The following KIAA0319 variants were observed in gnomAD, a reference collection of about 807,000 sequenced individuals.
KIAA0319 encodes KIAA0319, also known as dyslexia-associated protein KIAA0319.
In KIAA0319, 83 loss-of-function variants were observed where a neutral mutation model predicts 108.4. The ratio of observed to expected loss-of-function variants is 0.77; its 90% CI spans 0.64 to 0.92. The LOEUF (loss-of-function observed/expected upper bound fraction) is 0.92, where lower values mean the gene tolerates loss of function less well. KIAA0319 is among the 40% of genes least tolerant of loss of function. KIAA0319 has a pLI of 0.00. For missense variants in KIAA0319, 1,195 were observed against 1,322.4 expected, an observed-to-expected ratio of 0.90 and a Z score of 1.49; for synonymous variants, 484 against 510.4, an observed-to-expected ratio of 0.95 and a Z score of 0.70.
intron 1 of KIAA0319, among the ~76,000 whole-genome samples, chr6:24,603,902 C>A (rs941235574): frequency 1.3e-5 from 2 of 152,146 alleles, no homozygotes; most frequent in Non-Finnish European, 2.9e-5. Context: ...GTCGACCACA[C>A]CGAGCACAGC....
At chr6:24,629,042 T>C (rs924573802) in intron 1 of KIAA0319, among the ~76,000 whole-genome samples, 2 of 152,200 alleles carry the variant, frequency 1.3e-5, no homozygotes, top group Admixed American at 6.5e-5. Context: ...AAAGAAAAGC[T>C]TCCTGAAATT....
intron 1 of KIAA0319, among the ~76,000 whole-genome samples, chr6:24,642,852 C>G (rs1050151777): frequency 2.0e-5 from 3 of 152,054 alleles, no homozygotes; most frequent in African/African-American, 7.2e-5. Context: ...GGATTACAGG[C>G]GCCCACCACT....
At chr6:24,550,731 G>A (rs951979496) in intron 20 of KIAA0319, among the ~76,000 whole-genome samples, 1 of 152,108 alleles carries the variant, frequency 6.6e-6, no homozygotes, top group African/African-American at 2.4e-5. Flanking sequence ...GCTGAGCTGT[G>A]GGAGTGTCTT....
chr6:24,566,447 A>G lies in KIAA0319; in HGVS notation c.2292+150T>C, dbSNP rs979196381. ...TTGAGCCTGTCTTCCCAGCCTCCAT[A>G]ATGGAGACAAAATTAAGTTCTGTTG... On this transcript the variant is annotated intron_variant, in intron 14 of 20. Transcript: ENST00000378214. 1.5e-5 allele frequency: 9 copies of G among 589,516 alleles called. No individual in the cohort carries two copies. The African/African-American group carries it at 1.7e-4, about 11-fold the overall frequency. 36.5% of individuals were successfully genotyped at this position (589,516 alleles called of 1,614,324 possible).
In KIAA0319 at chr6:24,545,831, C is replaced by T. The variant is rs190661958; in HGVS notation, c.*1334G>A. On this transcript the variant is annotated 3_prime_UTR_variant, in exon 21 of 21. Coordinates refer to ENST00000378214, the MANE Select transcript of KIAA0319 (RefSeq NM_014809.4). ...TTGCTTCTTCATCAGCAATGCATTC[C>T]TAGTTTTCCCATGTGTTAAAAAAGC... is the stretch of plus-strand genomic sequence containing the variant. 5.3e-5 allele frequency: 8 copies of T among 152,310 alleles called. No individual in the cohort carries two copies. In the East Asian group the frequency reaches 1.5e-3, roughly 29 times the overall value. 9.4% of individuals were successfully genotyped at this position (152,310 alleles called of 1,614,324 possible).
chr6:24,553,476 T>G (rs111274890), intron 19 of KIAA0319, among the ~76,000 whole-genome samples: 109 of 151,998 alleles, frequency 7.2e-4, no homozygotes, highest in African/African-American at 2.4e-3. Context: ...GACCTTCTCC[T>G]GCCTTCTTTC....
chr6:24,582,988 G>T, intron 5 of KIAA0319: 1 of 765,456 alleles, frequency 1.3e-6, no homozygotes, highest in Non-Finnish European at 1.6e-6. Flanking sequence ...TGACCAATAT[G>T]TGGTGGAGAA....
intron 1 of KIAA0319, among the ~76,000 whole-genome samples, chr6:24,633,675 CAT>C (rs1312519296): frequency 6.6e-6 from 1 of 151,552 alleles, no homozygotes; most frequent in Non-Finnish European, 1.5e-5. Flanking sequence ...TATTTGAAAA[CAT>C]AAACCAGCAA....
chr6:24,544,615 C>T lies in KIAA0319; in HGVS notation c.*2550G>A, dbSNP rs1164922645. 1 of 152,126 alleles carries T rather than the reference C, an allele frequency of 6.6e-6. No individual in the cohort carries two copies. Among genetic ancestry groups the T allele is most frequent in the South Asian group, 2.1e-4 (1 of 4,826 alleles). 9.4% of individuals were successfully genotyped at this position (152,126 alleles called of 1,614,324 possible). A position where few individuals can be genotyped will look rare whatever the true frequency, so the allele number is the denominator to read the frequency against. ...CATACACATGCTTAGCCTTGTAATG[C>T]CATGGGTATGAATCCTCCTTCATTG... On this transcript the variant is annotated 3_prime_UTR_variant, in exon 21 of 21. Coordinates refer to ENST00000378214, the MANE Select transcript of KIAA0319 (RefSeq NM_014809.4).
In KIAA0319 at chr6:24,597,928, A is replaced by AC. The variant is rs1323502744; in HGVS notation, c.56-1311_56-1310insG. On this transcript the variant is annotated intron_variant, in intron 2 of 20. Coordinates refer to ENST00000378214, the MANE Select transcript of KIAA0319 (RefSeq NM_014809.4). The stretch of plus-strand genomic sequence containing the variant: ...GCAAGACCCTATCTCAAAAAAAAAA[A>AC]AAAAAAAAAAAAAAAAAAAAAACCA... The AC allele has an allele frequency of 1.5e-3, 193 of 129,304 alleles. 2 individuals are homozygous for AC. Among genetic ancestry groups the AC allele is most frequent in the African/African-American group, 5.4e-3 (174 of 32,278 alleles). The allele number at this position is 129,304 out of a possible 1,614,324, so 8.0% of individuals were successfully genotyped here.
At chr6:24,559,730 TATC>T (rs1028462935) in intron 16 of KIAA0319, among the ~76,000 whole-genome samples, 1 of 152,176 alleles carries the variant, frequency 6.6e-6, no homozygotes, top group Non-Finnish European at 1.5e-5. Flanking sequence ...ATAACTTACA[TATC>T]ATAAAATTCA....
intron 8 of KIAA0319, among the ~76,000 whole-genome samples, chr6:24,579,486 CATATATCTT>C (rs2127479540): frequency 7.0e-6 from 1 of 142,662 alleles, no homozygotes; most frequent in South Asian, 2.1e-4. Context: ...TTATATATCT[CATATATCTT>C]ATATATCTCA....
Position 24,546,070 on chromosome 6 carries a change from G to C in KIAA0319, c.*1095C>G, listed in dbSNP as rs1760585954. 6.6e-6 allele frequency: 1 copy of C among 152,156 alleles called. No individual in the cohort carries two copies. The highest frequency in any genetic ancestry group is 6.5e-5 in the Admixed American group (1 of 15,284). 9.4% of individuals were successfully genotyped at this position (152,156 alleles called of 1,614,324 possible). A position where few individuals can be genotyped will look rare whatever the true frequency, so the allele number is the denominator to read the frequency against. The stretch of plus-strand genomic sequence containing the variant: ...TGCTCGGGAGTACTGCTTTGTGGGT[G>C]GGAATGTTTTAATTGTCTTTCATGT... On this transcript the variant is annotated 3_prime_UTR_variant, in exon 21 of 21. Coordinates refer to ENST00000378214, the MANE Select transcript of KIAA0319 (RefSeq NM_014809.4).
chr6:24,564,615 G>T (rs1017857216), intron 14 of KIAA0319, among the ~76,000 whole-genome samples: 1 of 152,184 alleles, frequency 6.6e-6, no homozygotes, highest in Non-Finnish European at 1.5e-5. Flanking sequence ...ATAATTAATT[G>T]TATCCAACAA....
chr6:24,591,956 A>G (rs1389894149), intron 3 of KIAA0319, among the ~76,000 whole-genome samples: 1 of 152,182 alleles, frequency 6.6e-6, no homozygotes, highest in Non-Finnish European at 1.5e-5. Flanking sequence ...TGGTATATTT[A>G]TCCCATTTTA....
intron 3 of KIAA0319, among the ~76,000 whole-genome samples, chr6:24,592,372 T>C (rs1299526502): frequency 6.6e-6 from 1 of 152,206 alleles, no homozygotes; most frequent in Non-Finnish European, 1.5e-5. Flanking sequence ...GAAAAGATCT[T>C]AGTTTCTGTC....
chr6:24,595,820 G>T, intron 3 of KIAA0319, 53 bp downstream of exon 3: 1 of 1,534,370 alleles, frequency 6.5e-7, no homozygotes, highest in African/African-American at 1.4e-5. Context: ...CCCCTCCTAC[G>T]GTCTGCCCCA....
chr6:24,579,938 T>C lies in KIAA0319; in HGVS notation c.1292A>G (p.Asn431Ser). 2 of 1,591,984 alleles carry C rather than the reference T, an allele frequency of 1.3e-6. No individual in the cohort carries two copies. Among genetic ancestry groups the C allele is most frequent in the South Asian group, 1.1e-5 (1 of 87,730 alleles). ...NVTVKPARRV[N>S]LPPVAVVSPQ... is the part of the protein sequence containing the mutation. ...AGAAACAACTGCTACAGGTGGCAGG[T>C]TGACTCTTCTGGCTGTAACAAAAAA... Residue 431 changes from asparagine to serine, a missense_variant, in exon 8 of 21, where the codon AAC becomes AGC. Transcript: ENST00000378214.
intron 6 of KIAA0319, 55 bp from the exon 7 acceptor site, chr6:24,581,068 T>C: frequency 1.7e-6 from 2 of 1,149,316 alleles, no homozygotes; most frequent in East Asian, 2.3e-5. Flanking sequence ...ATGGGTCCAC[T>C]ACGTAGAAAA....
Sources: allele counts gnomAD v4.1 joint callset (sites outside exome capture counted in the v4.1 genomes callset), GRCh38; gene constraint gnomAD v4.1.1; transcripts MANE v1.5; gene names NCBI Gene and HGNC (gene_info 2026-07-23, HGNC 2026-07-21).